Variants in POLR2F observed in about 807,000 individuals in gnomAD.
POLR2F encodes the protein RNA polymerase II, I and III subunit F, also known as DNA-directed RNA polymerases I, II, and III subunit RPABC2.
A neutral mutation model predicts 22.7 loss-of-function variants in POLR2F; 12 were observed. The observed-to-expected ratio is 0.53, with a 90% CI of 0.34 to 0.86. The LOEUF (loss-of-function observed/expected upper bound fraction) is 0.86. Ranked by LOEUF, POLR2F falls within the 40% of genes least tolerant of loss-of-function variation. POLR2F has a pLI of 0.02. For missense variants in POLR2F, 126 were observed against 171.5 expected (o/e 0.73, Z 1.48); for synonymous variants, 57 against 66.0 (o/e 0.86, Z 0.66).
intron 1 of POLR2F, among the ~76,000 whole-genome samples, chr22:38,004,392 G>A (rs2084802245): frequency 6.6e-6 from 1 of 152,192 alleles, no homozygotes; most frequent in South Asian, 2.1e-4. Flanking sequence ...AGTGGCTGGA[G>A]TGAAGGACAT....
chr22:37,986,341 C>T lies in POLR2F; in HGVS notation c.120+29C>T. The T allele has an allele frequency of 6.5e-7, 1 of 1,531,782 alleles. No individual in the cohort carries two copies. Among genetic ancestry groups the T allele is most frequent in the Non-Finnish European group, 8.7e-7 (1 of 1,143,790 alleles). The allele number at this position is 1,531,782 out of a possible 1,614,324, so 94.9% of individuals were successfully genotyped here. A position where few individuals can be genotyped will look rare whatever the true frequency, so the allele number is the denominator to read the frequency against. ...GGTCCCCACTCATCCTTCCACCCCT[C>T]AGTTCCTCCTCTTTGAGGAAAGGAC... On this transcript the variant is annotated intron_variant, in intron 1 of 2. Coordinates refer to the POLR2F transcript ENST00000333418. This position sits in a 1 kb window ranked among gnomAD's most constrained non-coding sequence, Gnocchi z 4.7.
intron 1 of POLR2F, among the ~76,000 whole-genome samples, chr22:38,013,099 CCCTTCCTTCCCTTCCT>C (rs2084885979): frequency 2.7e-5 from 4 of 150,464 alleles, no homozygotes; most frequent in African/African-American, 9.8e-5. Flanking sequence ...TCCCTTCCTT[CCCTTCCTTCCCTTCCT>C]TCCCTTCCTT....
intron 5 of POLR2F, chr22:38,040,282 C>CA (rs58402199): frequency 0.069 from 4,040 of 58,384 alleles, 405 homozygotes; most frequent in East Asian, 0.097. Context: ...GACCCTGTCT[C>CA]AAAAAAAAAA....
At position 37,987,782 on chromosome 22, in the gene POLR2F, C is replaced by T. The variant is rs546049405; in HGVS notation, c.120+1470C>T. 114 of 187,078 alleles carry T rather than the reference C, an allele frequency of 6.1e-4. 1 individual carries two copies. Among genetic ancestry groups the T allele is most frequent in the African/African-American group, 2.6e-3 (112 of 42,470 alleles). The allele number at this position is 187,078 out of a possible 1,614,324, so 11.6% of individuals were successfully genotyped here. A position where few individuals can be genotyped will look rare whatever the true frequency, so the allele number is the denominator to read the frequency against. ...GCTGTGTGGATGCGACCTGGGGGGT[C>T]CTGGCCTCCACTCTTTAATTCTATC... On this transcript the variant is annotated intron_variant, in intron 1 of 2. Coordinates refer to the POLR2F transcript ENST00000333418.
chr22:37,955,988 T>G (rs1931378887), intron 1 of POLR2F, among the ~76,000 whole-genome samples: 1 of 151,868 alleles, frequency 6.6e-6, no homozygotes, highest in African/African-American at 2.4e-5. Flanking sequence ...CTCAGCTGAT[T>G]TACTTATTAA....
At chr22:37,979,545 G>A (rs1415625858) in intron 4 of POLR2F, among the ~76,000 whole-genome samples, 4 of 152,194 alleles carry the variant, frequency 2.6e-5, no homozygotes, top group South Asian at 2.1e-4. Context: ...ATGGGTCTGG[G>A]TGGGGGGTAC....
chr22:38,008,932 A>G (rs1244455434), intron 1 of POLR2F, among the ~76,000 whole-genome samples: 1 of 152,018 alleles, frequency 6.6e-6, no homozygotes, highest in Non-Finnish European at 1.5e-5. Flanking sequence ...GGGCAAGTGG[A>G]GCAGGGAAAG....
chr22:37,989,057 T>C (rs140460606), intron 1 of POLR2F, among the ~76,000 whole-genome samples: 1 of 152,136 alleles, frequency 6.6e-6, no homozygotes, highest in East Asian at 1.9e-4. Context: ...CCCTGAGCAT[T>C]TTCTAGGCCA....
At chr22:38,009,583 A>G (rs1017129638) in intron 1 of POLR2F, among the ~76,000 whole-genome samples, 3 of 152,232 alleles carry the variant, frequency 2.0e-5, no homozygotes, top group Admixed American at 1.3e-4. Flanking sequence ...TGACACATGT[A>G]TGCATCACAC....
intron 1 of POLR2F, among the ~76,000 whole-genome samples, chr22:38,007,287 C>T (rs2084830128): frequency 6.6e-6 from 1 of 152,188 alleles, no homozygotes. Flanking sequence ...TGGTGGGAAC[C>T]TTTCAAGAAG....
chr22:37,983,274 G>A (rs1042937117), upstream of POLR2F: 1 of 1,467,770 alleles, frequency 6.8e-7, no homozygotes, highest in Non-Finnish European at 9.3e-7. This position sits in a 1 kb window ranked among gnomAD's most constrained non-coding sequence, Gnocchi z 9.5. Flanking sequence ...CCGCTCTGAG[G>A]TGCAGGAGGC....
downstream of POLR2F, chr22:37,972,134 AGAGAGAG>A: frequency 3.4e-6 from 1 of 290,390 alleles, no homozygotes; most frequent in Non-Finnish European, 6.6e-6. Context: ...GAGGGGGGAG[AGAGAGAG>A]GAGGGGGGAG....
chr22:37,965,250 A>G (rs111993914), intron 3 of POLR2F, among the ~76,000 whole-genome samples: 5,339 of 152,128 alleles, frequency 0.035, 302 homozygotes, highest in African/African-American at 0.12. Flanking sequence ...CAGGTGATTC[A>G]CCTGTCTCAG....
chr22:37,967,983 CA>C lies in POLR2F; in HGVS notation c.*271del. The stretch of plus-strand genomic sequence containing the variant: ...CCCTCCATCTCCCTGTTCCCCAGAG[CA>C]AAGGCTGCTGCAGGGGAGACACCTC... On this transcript the variant is annotated 3_prime_UTR_variant, in exon 5 of 5. Coordinates refer to ENST00000442738, the MANE Select transcript of POLR2F (RefSeq NM_021974.5). The C allele has an allele frequency of 9.0e-7, 1 of 1,105,130 alleles. No homozygotes were observed. Among genetic ancestry groups the C allele is most frequent in the Non-Finnish European group, 1.1e-6 (1 of 905,246 alleles). 68.5% of individuals were successfully genotyped at this position (1,105,130 alleles called of 1,614,324 possible). A position where few individuals can be genotyped will look rare whatever the true frequency, so the allele number is the denominator to read the frequency against.
At chr22:38,007,959 G>C (rs978912909) in intron 1 of POLR2F, among the ~76,000 whole-genome samples, 1 of 152,192 alleles carries the variant, frequency 6.6e-6, no homozygotes, top group Non-Finnish European at 1.5e-5. Context: ...CAATAAACTC[G>C]CTGGGTGTGG....
chr22:37,987,704 C>T (rs950211272), intron 1 of POLR2F: 9 of 275,032 alleles, frequency 3.3e-5, no homozygotes, highest in Non-Finnish European at 5.7e-5. Context: ...TTTCAGAGGA[C>T]AGGGCTGAGA....
rs564114638 is a variant in POLR2F, at chr22:38,017,034, A to G, written c.121-8835A>G. ...CCCACCCCAGCCTCTGCTGCCTGGC[A>G]CCAGGTCCCCCCACCACTCTCCAGC... On this transcript the variant is annotated intron_variant, in intron 1 of 2. Transcript: ENST00000333418. The surrounding 1 kb of genome is among the most constrained non-coding windows in gnomAD (Gnocchi z 4.1). 3.9e-5 allele frequency among the ~76,000 whole-genome samples: 6 copies of G among 152,192 alleles called. No individual in the cohort carries two copies. The East Asian group carries it at 1.2e-3, about 29-fold the overall frequency.
chr22:38,000,020 C>T (rs2084754576), intron 1 of POLR2F, among the ~76,000 whole-genome samples: 1 of 152,206 alleles, frequency 6.6e-6, no homozygotes. Context: ...TGTTCCTCCT[C>T]AGCTGTGGTT....
intron 1 of POLR2F, among the ~76,000 whole-genome samples, chr22:37,994,944 G>A (rs919599843): frequency 1.3e-5 from 2 of 152,210 alleles, no homozygotes; most frequent in Admixed American, 6.5e-5. Flanking sequence ...CTGCACAGGT[G>A]TTTTATATTT....
Sources: gnomAD v4.1 joint callset for allele counts (sites outside exome capture counted in the v4.1 genomes callset) on GRCh38, gnomAD v4.1.1 for gene constraint, Gnocchi (gnomAD v3.1) non-coding constraint, MANE v1.5 for transcripts, NCBI Gene and HGNC (gene_info 2026-07-23, HGNC 2026-07-21) for gene names.